Variants in TRAPPC8 observed in about 807,000 individuals in gnomAD.
The protein encoded by TRAPPC8 is trafficking protein particle complex subunit 8, also known as general sporulation gene 1 homolog.
Under a neutral mutation model 174.3 loss-of-function variants are expected in TRAPPC8, and 54 were observed. The ratio of observed to expected loss-of-function variants is 0.31; its 90% CI spans 0.25 to 0.39. The LOEUF (loss-of-function observed/expected upper bound fraction) is 0.39, where lower values mean the gene tolerates loss of function less well. Among genes scored for constraint, TRAPPC8 ranks in the 10% least tolerant of loss-of-function variants. The pLI is 1.00. For missense variants in TRAPPC8, 1,531 were observed against 1,699.1 expected, an observed-to-expected ratio of 0.90 and a Z score of 1.74; for synonymous variants, 630 against 579.9, an observed-to-expected ratio of 1.09 and a Z score of -1.24.
chr18:31,853,857 T>A lies in TRAPPC8; in HGVS notation c.3425A>T (p.Glu1142Val). ...WKLQKSVNLS[E>V]NKDTKLASRE... The stretch of plus-strand genomic sequence containing the variant: ...AGGAAAAACAAACAAACCTTTGTTT[T>A]CAGAAAGATTTACAGATTTCTGTAA... Residue 1142 changes from glutamate to valine, a missense_variant, in exon 22 of 29, where the codon GAA (glutamate) becomes GTA (valine). Physicochemically the swap from Glu to Val is moderately radical, Grantham distance 121 (BLOSUM62 -2). Transcript: ENST00000283351. 6.2e-7 allele frequency: 1 copy of A among 1,604,306 alleles called. No homozygotes were observed. Among genetic ancestry groups the A allele is most frequent in the Non-Finnish European group, 8.5e-7 (1 of 1,177,772 alleles).
chr18:31,898,213 TATTA>T (rs1186150793), intron 10 of TRAPPC8, among the ~76,000 whole-genome samples: 4 of 152,206 alleles, frequency 2.6e-5, no homozygotes, highest in African/African-American at 9.6e-5. Flanking sequence ...TTTGTATTGT[TATTA>T]TTTATTGTTG....
intron 27 of TRAPPC8, among the ~76,000 whole-genome samples, chr18:31,838,072 C>T (rs537027072): frequency 1.3e-4 from 19 of 151,980 alleles, no homozygotes; most frequent in Admixed American, 4.6e-4. Context: ...TGGGCTCAAG[C>T]GATCCTCCTG....
intron 11 of TRAPPC8, 90 bp downstream of exon 11, chr18:31,897,696 G>T: frequency 1.1e-6 from 1 of 938,558 alleles, no homozygotes; most frequent in Non-Finnish European, 1.4e-6. Flanking sequence ...CTAATTTTAT[G>T]TTTTGTAAAG....
At chr18:31,925,835 T>C (rs527591870) in intron 2 of TRAPPC8, among the ~76,000 whole-genome samples, 2 of 152,010 alleles carry the variant, frequency 1.3e-5, no homozygotes, top group South Asian at 4.1e-4. Flanking sequence ...CTGAGGGAAA[T>C]GATTTATAAC....
intron 9 of TRAPPC8, 48 bp from the exon 10 acceptor site, chr18:31,901,073 T>TA: frequency 1.3e-6 from 2 of 1,500,508 alleles, no homozygotes; most frequent in Non-Finnish European, 9.0e-7. Context: ...GAAACAGTCT[T>TA]ACAGTTTAGA....
chr18:31,873,696 T>C (rs2035005265), intron 13 of TRAPPC8, 158 bp from the exon 14 acceptor site: 3 of 542,582 alleles, frequency 5.5e-6, no homozygotes, highest in South Asian at 5.2e-5. Context: ...TCATAAAATT[T>C]TACAACTCAG....
rs372607574 is a variant in TRAPPC8, at chr18:31,877,432, G to A, written c.1729-2728C>T. ...TCGAGACCATCCTGGCTAACACGGT[G>A]AAACCCCGTCTCTACTAAAAATACA... On this transcript the variant is annotated intron_variant, in intron 12 of 28. Coordinates refer to ENST00000283351, the MANE Select transcript of TRAPPC8 (RefSeq NM_014939.5). Among the ~76,000 whole-genome samples the A allele has an allele frequency of 8.3e-4, 126 of 152,010 alleles. 2 individuals carry two copies. In the East Asian group the frequency reaches 0.023, roughly 28 times the overall value.
At chr18:31,900,821 G>T (rs1190643920) in intron 10 of TRAPPC8, 104 bp downstream of exon 10, 1 of 824,650 alleles carries the variant, frequency 1.2e-6, no homozygotes, top group African/African-American at 1.8e-5. Flanking sequence ...ACTTGTCTCC[G>T]ACTATATTAA....
intron 1 of TRAPPC8, among the ~76,000 whole-genome samples, chr18:31,933,269 C>T (rs897196962): frequency 6.8e-6 from 1 of 148,040 alleles, no homozygotes; most frequent in African/African-American, 2.5e-5. Context: ...CCACTGCACT[C>T]CAGCCTGGGC....
chr18:31,907,652 C>G, intron 8 of TRAPPC8, 42 bp from the exon 9 acceptor site: 1 of 1,478,564 alleles, frequency 6.8e-7, no homozygotes, highest in Non-Finnish European at 9.1e-7. Context: ...TATTACCCCC[C>G]AAACCATTAA....
At chr18:31,927,168 C>T (rs777182057) in intron 2 of TRAPPC8, among the ~76,000 whole-genome samples, 8 of 151,996 alleles carry the variant, frequency 5.3e-5, no homozygotes, top group South Asian at 2.1e-4. Flanking sequence ...AGTGCAGTTG[C>T]GCAATCACAG....
At chr18:31,889,125 G>C (rs980157342) in intron 12 of TRAPPC8, among the ~76,000 whole-genome samples, 2 of 152,126 alleles carry the variant, frequency 1.3e-5, no homozygotes, top group African/African-American at 2.4e-5. Flanking sequence ...TTTTGTGAAA[G>C]AGCTGTCTTG....
At chr18:31,854,007 T>G in intron 21 of TRAPPC8, 62 bp from the exon 22 acceptor site, 1 of 1,326,760 alleles carries the variant, frequency 7.5e-7, no homozygotes, top group East Asian at 2.3e-5. Flanking sequence ...AATGTTCCGA[T>G]GAGAATAAAA....
rs375261815 is a variant in TRAPPC8, at chr18:31,852,904, C to T, written c.3434-241G>A. ...ATATATATATATGTATTCATATATG[C>T]GACATTTCAGATAAACAGTAAGTTT... On this transcript the variant is annotated intron_variant, in intron 22 of 28. Transcript: ENST00000283351. 2.2e-3 allele frequency: 901 copies of T among 414,830 alleles called. 20 individuals are homozygous for T. The highest frequency in any genetic ancestry group is 0.016 in the South Asian group (499 of 32,028). The allele number at this position is 414,830 out of a possible 1,614,324, so 25.7% of individuals were successfully genotyped here. A position where few individuals can be genotyped will look rare whatever the true frequency, so the allele number is the denominator to read the frequency against.
intron 2 of TRAPPC8, among the ~76,000 whole-genome samples, chr18:31,927,211 A>C (rs970133528): frequency 1.3e-5 from 2 of 152,062 alleles, no homozygotes; most frequent in African/African-American, 4.8e-5. Flanking sequence ...AGGCTCAAGC[A>C]ATCTTCTCAC....
chr18:31,917,132 AT>A (rs2037183501), intron 3 of TRAPPC8, among the ~76,000 whole-genome samples: 1 of 140,234 alleles, frequency 7.1e-6, no homozygotes, highest in Non-Finnish European at 1.7e-5. Flanking sequence ...CAGTAACCGC[AT>A]TAAGAAAACT....
At chr18:31,835,832 T>C (rs978343038) in intron 27 of TRAPPC8, among the ~76,000 whole-genome samples, 1 of 152,260 alleles carries the variant, frequency 6.6e-6, no homozygotes, top group Non-Finnish European at 1.5e-5. Context: ...AAGTCTTAAA[T>C]GTGCTTTTGC....
intron 9 of TRAPPC8, among the ~76,000 whole-genome samples, chr18:31,905,236 T>C (rs2036609514): frequency 6.6e-6 from 1 of 152,190 alleles, no homozygotes; most frequent in Admixed American, 6.5e-5. Context: ...TCAAATTAAA[T>C]TTTTATTCAT....
At chr18:31,886,467 G>C (rs1382577989) in intron 12 of TRAPPC8, among the ~76,000 whole-genome samples, 2 of 151,740 alleles carry the variant, frequency 1.3e-5, no homozygotes, top group Admixed American at 6.6e-5. Flanking sequence ...GTGGATTTTC[G>C]AATGTGTTCA....
Sources: gnomAD v4.1 joint callset for allele counts (sites outside exome capture counted in the v4.1 genomes callset) on GRCh38, gnomAD v4.1.1 for gene constraint, MANE v1.5 for transcripts, NCBI Gene and HGNC (gene_info 2026-07-23, HGNC 2026-07-21) for gene names.